ENTREP2: variants seen among roughly 807,000 people sequenced by gnomAD.
The protein encoded by ENTREP2 is endosomal transmembrane epsin interactor 2, also known as protein ENTREP2.
At chr15:29,636,905 T>C in the ENTREP2 span, among the ~76,000 whole-genome samples, 2 of 152,270 alleles carry the variant, frequency 1.3e-5, no homozygotes, top group African/African-American at 4.8e-5. Flanking sequence ...AAAACATTTC[T>C]ATATTTGTTC....
At chr15:29,385,483 A>C in the ENTREP2 span, among the ~76,000 whole-genome samples, 1 of 152,318 alleles carries the variant, frequency 6.6e-6, no homozygotes, top group East Asian at 1.9e-4. Context: ...CAAAAGAATA[A>C]AGCCATTAAA....
chr15:29,472,298 C>T, the ENTREP2 span, among the ~76,000 whole-genome samples: 1 of 152,008 alleles, frequency 6.6e-6, no homozygotes, highest in African/African-American at 2.4e-5. Flanking sequence ...AGGAGGAAAA[C>T]AGCTCTGGAA....
At chr15:29,375,341 C>T in the ENTREP2 span, 1 of 152,240 alleles carries the variant, frequency 6.6e-6, no homozygotes, top group Non-Finnish European at 1.5e-5. Flanking sequence ...TCTCTACCTA[C>T]ATGCAAGAGC....
chr15:29,120,295 AAC>A, the ENTREP2 span: 5 of 152,364 alleles, frequency 3.3e-5, no homozygotes, highest in East Asian at 5.8e-4. Flanking sequence ...TCATTATTAA[AAC>A]ACCTTGAGGT....
At chr15:29,628,055 C>T in the ENTREP2 span, among the ~76,000 whole-genome samples, 1 of 152,184 alleles carries the variant, frequency 6.6e-6, no homozygotes, top group African/African-American at 2.4e-5. Flanking sequence ...TTGCACAACT[C>T]AAACTGTTTT....
At chr15:29,476,477 C>T in the ENTREP2 span, among the ~76,000 whole-genome samples, 123 of 152,342 alleles carry the variant, frequency 8.1e-4, no homozygotes, top group Non-Finnish European at 1.4e-3. Context: ...CTGCTGCAGA[C>T]ACCAAGGAGG....
chr15:29,528,825 T>C, the ENTREP2 span, among the ~76,000 whole-genome samples: 1 of 152,218 alleles, frequency 6.6e-6, no homozygotes, highest in Non-Finnish European at 1.5e-5. Context: ...CAAATGGAAC[T>C]GTCTAAACTC....
the ENTREP2 span, among the ~76,000 whole-genome samples, chr15:29,134,391 C>G: frequency 5.3e-5 from 8 of 152,140 alleles, no homozygotes; most frequent in African/African-American, 1.4e-4. Flanking sequence ...CTCAGGGGGC[C>G]ACTGTCTGCA....
chr15:29,568,163 C>T, the ENTREP2 span, among the ~76,000 whole-genome samples: 3 of 152,284 alleles, frequency 2.0e-5, no homozygotes, highest in East Asian at 1.9e-4. Flanking sequence ...TACACTGTAC[C>T]GTACTGAAAG....
At chr15:29,199,413 A>T in the ENTREP2 span, among the ~76,000 whole-genome samples, 2 of 152,188 alleles carry the variant, frequency 1.3e-5, no homozygotes. Flanking sequence ...TAGCATGGTA[A>T]ATATATAGAC....
chr15:29,377,106 G>C, the ENTREP2 span: 1 of 150,470 alleles, frequency 6.6e-6, no homozygotes, highest in Non-Finnish European at 1.5e-5. Flanking sequence ...ATCTTTAGTT[G>C]ACACCTCCAG....
At chr15:29,539,956 G>C in the ENTREP2 span, among the ~76,000 whole-genome samples, 2 of 152,100 alleles carry the variant, frequency 1.3e-5, no homozygotes. Context: ...CTCTCACTCT[G>C]TTTGCCTCAC....
chr15:29,422,623 T>C, the ENTREP2 span, among the ~76,000 whole-genome samples: 5 of 152,236 alleles, frequency 3.3e-5, no homozygotes, highest in Admixed American at 1.3e-4. Flanking sequence ...GCTGGCTCTC[T>C]GCTATGCAAG....
chr15:29,468,382 G>C, the ENTREP2 span, among the ~76,000 whole-genome samples: 1 of 152,052 alleles, frequency 6.6e-6, no homozygotes, highest in African/African-American at 2.4e-5. Context: ...AGGCCAGGGT[G>C]GGCAGATCAC....
chr15:29,566,435 A>AT, the ENTREP2 span, among the ~76,000 whole-genome samples: 1 of 150,814 alleles, frequency 6.6e-6, no homozygotes, highest in Non-Finnish European at 1.5e-5. Context: ...AAGTGATGGG[A>AT]TTACAGGCGT....
At chr15:29,636,877 G>A in the ENTREP2 span, among the ~76,000 whole-genome samples, 1 of 152,294 alleles carries the variant, frequency 6.6e-6, no homozygotes, top group East Asian at 1.9e-4. Context: ...GAGATTTAGA[G>A]TGACTTATGT....
At chr15:29,318,819 T>C in the ENTREP2 span, among the ~76,000 whole-genome samples, 3 of 152,296 alleles carry the variant, frequency 2.0e-5, no homozygotes, top group African/African-American at 7.2e-5. Flanking sequence ...ATTTTCCTAT[T>C]GGTTGGCTTA....
chr15:29,466,848 G>A, the ENTREP2 span, among the ~76,000 whole-genome samples: 11 of 133,282 alleles, frequency 8.3e-5, no homozygotes, highest in African/African-American at 3.2e-4. Context: ...GCCCCCAGGG[G>A]AGGGCCCAGG....
At chr15:29,640,231 A>G in the ENTREP2 span, among the ~76,000 whole-genome samples, 1 of 152,254 alleles carries the variant, frequency 6.6e-6, no homozygotes, top group African/African-American at 2.4e-5. Context: ...TACTATGGAC[A>G]TCTGTATGCC....
Sources: allele counts gnomAD v4.1 joint callset (sites outside exome capture counted in the v4.1 genomes callset), GRCh38; gene constraint gnomAD v4.1.1; transcripts MANE v1.5; gene names NCBI Gene and HGNC (gene_info 2026-07-23, HGNC 2026-07-21).